Variants in PDHX observed in about 807,000 individuals in gnomAD.
PDHX encodes pyruvate dehydrogenase protein X component, mitochondrial.
PDHX carries 33 observed loss-of-function variants against 55.3 expected under a neutral mutation model. The ratio of observed to expected loss-of-function variants is 0.60; its 90% CI spans 0.45 to 0.80. The LOEUF is 0.80. Ranked by LOEUF, PDHX falls within the 30% of genes least tolerant of loss-of-function variation. The pLI is 0.00. For synonymous variants in PDHX, 226 were observed against 219.4 expected, an observed-to-expected ratio of 1.03 and a Z score of -0.27; for missense variants, 622 against 619.9, an observed-to-expected ratio of 1.00 and a Z score of -0.04.
At chr11:34,949,075 T>C (rs554503382) in intron 3 of PDHX, among the ~76,000 whole-genome samples, 1 of 152,302 alleles carries the variant, frequency 6.6e-6, no homozygotes, top group South Asian at 2.1e-4. Flanking sequence ...GATAGTGGCT[T>C]TGGTGGCACA....
chr11:34,926,913 A>G (rs1854036400), intron 1 of PDHX, among the ~76,000 whole-genome samples: 1 of 152,144 alleles, frequency 6.6e-6, no homozygotes, highest in Admixed American at 6.5e-5. Context: ...GGATTACTGT[A>G]AAATTCAGTG....
chr11:34,983,839 G>A lies in PDHX; in HGVS notation c.1024-731G>A, dbSNP rs1368276059. Among the ~76,000 whole-genome samples the A allele has an allele frequency of 1.1e-3, 170 of 152,226 alleles. 3 individuals carry two copies. Among genetic ancestry groups the A allele is most frequent in the Non-Finnish European group, 4.4e-5 (3 of 68,004 alleles). On this transcript the variant is annotated intron_variant, in intron 8 of 10. Coordinates refer to ENST00000227868, the MANE Select transcript of PDHX (RefSeq NM_003477.3). Reference sequence around the variant, plus strand: ...AGGAAGAATCGATATTGTGAAAATGGCTATACTGCCCAAGGTAATTTATAG... The same window carrying A: ...AGGAAGAATCGATATTGTGAAAATGACTATACTGCCCAAGGTAATTTATAG...
At chr11:34,945,278 T>G (rs906645878) in intron 2 of PDHX, among the ~76,000 whole-genome samples, 8 of 152,178 alleles carry the variant, frequency 5.3e-5, no homozygotes, top group Non-Finnish European at 4.4e-5. Flanking sequence ...TTTTAAACCC[T>G]CAAACATTAC....
At chr11:34,992,524 A>C (rs1387253714) in intron 10 of PDHX, 145 bp downstream of exon 10, 3 of 588,994 alleles carry the variant, frequency 5.1e-6, no homozygotes, top group Non-Finnish European at 9.0e-6. Flanking sequence ...TATCTGAAAA[A>C]ATTCTTCAGA....
At chr11:34,987,724 C>A (rs1029633275) in intron 9 of PDHX, among the ~76,000 whole-genome samples, 1 of 111,046 alleles carries the variant, frequency 9.0e-6, no homozygotes, top group African/African-American at 3.5e-5. Context: ...CAAGTAGAAA[C>A]CCTGAGTGTG....
chr11:34,924,999 ATAT>A (rs1236409688), intron 1 of PDHX, among the ~76,000 whole-genome samples: 27 of 152,224 alleles, frequency 1.8e-4, no homozygotes, highest in African/African-American at 6.3e-4. Context: ...CATTAAACAA[ATAT>A]TATGCACAAT....
chr11:34,951,644 G>A (rs976483240), intron 3 of PDHX, among the ~76,000 whole-genome samples: 2 of 152,094 alleles, frequency 1.3e-5, no homozygotes, highest in Admixed American at 6.5e-5. Flanking sequence ...CATTTTATAG[G>A]TTGCCTGTTC....
In PDHX at chr11:34,980,732, G is replaced by A. The variant is rs369646215; in HGVS notation, c.1023+2550G>A. 5.0e-4 allele frequency among the ~76,000 whole-genome samples: 76 copies of A among 152,220 alleles called. 1 individual carries two copies. Among genetic ancestry groups the A allele is most frequent in the African/African-American group, 1.6e-3 (68 of 41,538 alleles). ...AGGTAGCCTTGCAATGGAAATGAGC[G>A]TAGCATGACAGTGAGCCAAGTGGAA... On this transcript the variant is annotated intron_variant, in intron 8 of 10. Transcript: ENST00000227868.
intron 2 of PDHX, among the ~76,000 whole-genome samples, chr11:34,946,259 CG>C (rs1181499534): frequency 1.3e-5 from 2 of 151,860 alleles, no homozygotes; most frequent in Admixed American, 6.6e-5. Context: ...ATTTCTAATT[CG>C]TTTTTTTATT....
chr11:34,920,424 T>C (rs1853846621), intron 1 of PDHX, among the ~76,000 whole-genome samples: 1 of 152,184 alleles, frequency 6.6e-6, no homozygotes, highest in Admixed American at 6.5e-5. Context: ...AGGAAGCTAG[T>C]AATCTAGGAA....
At chr11:34,988,968 GA>G (rs1397675953) in intron 9 of PDHX, among the ~76,000 whole-genome samples, 2 of 152,080 alleles carry the variant, frequency 1.3e-5, no homozygotes, top group South Asian at 2.1e-4. Context: ...GTATGAGTAG[GA>G]AAAAATAGTA....
intron 9 of PDHX, 32 bp downstream of exon 9, chr11:34,984,760 T>C (rs745620381): frequency 6.3e-6 from 10 of 1,597,590 alleles, no homozygotes; most frequent in East Asian, 2.2e-5. Context: ...GCTTTCAAAA[T>C]GTTAGCATAT....
At chr11:34,944,162 C>A (rs1474967662) in intron 2 of PDHX, among the ~76,000 whole-genome samples, 2 of 151,328 alleles carry the variant, frequency 1.3e-5, no homozygotes, top group Non-Finnish European at 2.9e-5. Flanking sequence ...TCTTGTTGCC[C>A]AGGCTGGAGT....
intron 7 of PDHX, among the ~76,000 whole-genome samples, chr11:34,974,733 C>G (rs1026512034): frequency 1.3e-4 from 20 of 152,074 alleles, no homozygotes; most frequent in African/African-American, 3.6e-4. Context: ...CAGAACGAGA[C>G]CCTATCTCTA....
At chr11:34,940,158 A>G (rs1854438174) in intron 2 of PDHX, among the ~76,000 whole-genome samples, 3 of 152,204 alleles carry the variant, frequency 2.0e-5, no homozygotes. Flanking sequence ...GCCGTGAAGC[A>G]CTATGGAACA....
At chr11:34,917,093 G>T (rs1247555026) in intron 1 of PDHX, among the ~76,000 whole-genome samples, 1 of 152,100 alleles carries the variant, frequency 6.6e-6, no homozygotes, top group Non-Finnish European at 1.5e-5. Flanking sequence ...CGCAGAGAGG[G>T]TTCCCAAACT....
chr11:34,933,929 A>G (rs1854239094), intron 2 of PDHX, among the ~76,000 whole-genome samples: 1 of 152,176 alleles, frequency 6.6e-6, no homozygotes, highest in Admixed American at 6.5e-5. Context: ...CTAAAGAAAA[A>G]AAATTAATAA....
At chr11:34,955,698 AATCATTTAT>A (rs1854891167) in intron 3 of PDHX, among the ~76,000 whole-genome samples, 1 of 152,168 alleles carries the variant, frequency 6.6e-6, no homozygotes, top group Non-Finnish European at 1.5e-5. Context: ...GTATATATGG[AATCATTTAT>A]ATGATTTACA....
chr11:34,964,566 T>C (rs1454745229), intron 5 of PDHX, among the ~76,000 whole-genome samples: 2 of 152,032 alleles, frequency 1.3e-5, no homozygotes, highest in Non-Finnish European at 2.9e-5. Context: ...ATCGCGCCAC[T>C]GCACTCCAGC....
Sources: gnomAD v4.1 joint callset for allele counts (sites outside exome capture counted in the v4.1 genomes callset) on GRCh38, gnomAD v4.1.1 for gene constraint, MANE v1.5 for transcripts, NCBI Gene and HGNC (gene_info 2026-07-23, HGNC 2026-07-21) for gene names.